The following TEKTL1 variants were observed in gnomAD, a reference collection of about 807,000 sequenced individuals.
TEKTL1 encodes tektin like 1.
the TEKTL1 span, chr19:15,011,302 G>T: frequency 2.0e-5 from 31 of 1,524,970 alleles, no homozygotes; most frequent in Non-Finnish European, 2.6e-6. Flanking sequence ...GCCAGCGCGA[G>T]GTCACCGACC....
the TEKTL1 span, among the ~76,000 whole-genome samples, chr19:15,019,059 C>A: frequency 6.6e-6 from 1 of 152,010 alleles, no homozygotes; most frequent in Non-Finnish European, 1.5e-5. Flanking sequence ...GGTGACCCCC[C>A]CACCTCAGCC....
chr19:15,013,716 G>A, the TEKTL1 span: 1 of 1,613,956 alleles, frequency 6.2e-7, no homozygotes, highest in Non-Finnish European at 8.5e-7. Flanking sequence ...AGAAAGAGGA[G>A]CTGAAAAGCA....
chr19:15,014,166 A>T, the TEKTL1 span, among the ~76,000 whole-genome samples: 4 of 152,064 alleles, frequency 2.6e-5, no homozygotes, highest in South Asian at 8.3e-4. Flanking sequence ...AGCTCTTTGC[A>T]CTCTAACACG....
chr19:15,022,294 T>C, the TEKTL1 span, among the ~76,000 whole-genome samples: 2 of 149,748 alleles, frequency 1.3e-5, no homozygotes, highest in Non-Finnish European at 3.0e-5. Flanking sequence ...CTGCATAGAA[T>C]ACCCTTAAAG....
chr19:15,021,874 G>C, the TEKTL1 span: 5 of 1,613,906 alleles, frequency 3.1e-6, no homozygotes, highest in Non-Finnish European at 4.2e-6. Flanking sequence ...GCATGTACCA[G>C]AGACACGTGG....
At chr19:15,012,239 C>T in the TEKTL1 span, among the ~76,000 whole-genome samples, 2 of 151,788 alleles carry the variant, frequency 1.3e-5, no homozygotes, top group Non-Finnish European at 2.9e-5. Context: ...CCAGCATGGG[C>T]AACACAGTGA....
chr19:15,016,913 C>T, the TEKTL1 span, among the ~76,000 whole-genome samples: 1 of 152,172 alleles, frequency 6.6e-6, no homozygotes, highest in Non-Finnish European at 1.5e-5. Context: ...TCCTTAACAA[C>T]AGGCAAAACT....
At chr19:15,014,737 G>GGGGT in the TEKTL1 span, among the ~76,000 whole-genome samples, 1 of 114,802 alleles carries the variant, frequency 8.7e-6, no homozygotes, top group Non-Finnish European at 1.8e-5. Flanking sequence ...GGGGCGGGGG[G>GGGGT]CGGGGGCTGC....
At chr19:15,020,512 CA>C in the TEKTL1 span, 1 of 1,613,786 alleles carries the variant, frequency 6.2e-7, no homozygotes, top group East Asian at 2.2e-5. Flanking sequence ...GGAGCGGCTC[CA>C]AGCCGTGGAC....
the TEKTL1 span, among the ~76,000 whole-genome samples, chr19:15,018,226 T>C: frequency 1.3e-5 from 2 of 152,120 alleles, no homozygotes; most frequent in Non-Finnish European, 2.9e-5. Context: ...TGATGGCACA[T>C]GCCTGTAATC....
At chr19:15,013,547 T>C in the TEKTL1 span, 1 of 661,350 alleles carries the variant, frequency 1.5e-6, no homozygotes, top group Non-Finnish European at 2.6e-6. Flanking sequence ...AGGATGAGAG[T>C]ACCCTCAACT....
At chr19:15,016,628 A>G in the TEKTL1 span, among the ~76,000 whole-genome samples, 439 of 152,358 alleles carry the variant, frequency 2.9e-3, no homozygotes, top group African/African-American at 8.8e-3. Context: ...TCCCAAAGAT[A>G]CCATATTCAG....
At chr19:15,018,715 A>ATATATATATATATATAT in the TEKTL1 span, among the ~76,000 whole-genome samples, 23 of 68,290 alleles carry the variant, frequency 3.4e-4, no homozygotes, top group South Asian at 1.2e-3. Context: ...CCTATCTCAA[A>ATATATATATATATATAT]ATATGTATAT....
At chr19:15,020,362 C>T in the TEKTL1 span, 1 of 988,418 alleles carries the variant, frequency 1.0e-6, no homozygotes, top group Middle Eastern at 3.3e-4. Context: ...AAATGCTTTA[C>T]AGCCTATAAG....
At chr19:15,013,473 C>T in the TEKTL1 span, among the ~76,000 whole-genome samples, 9 of 152,202 alleles carry the variant, frequency 5.9e-5, no homozygotes, top group Admixed American at 5.9e-4. Context: ...AGAGCAAGAC[C>T]CGCCAAGTCA....
At chr19:15,017,206 A>G in the TEKTL1 span, among the ~76,000 whole-genome samples, 1 of 152,156 alleles carries the variant, frequency 6.6e-6, no homozygotes, top group Non-Finnish European at 1.5e-5. Flanking sequence ...TGGGAGACAG[A>G]GCAAGATTCT....
At chr19:15,020,585 T>G in the TEKTL1 span, 1 of 1,613,802 alleles carries the variant, frequency 6.2e-7, no homozygotes, top group Non-Finnish European at 8.5e-7. Flanking sequence ...TGGGTGAACC[T>G]CTCCCGAGCC....
the TEKTL1 span, among the ~76,000 whole-genome samples, chr19:15,012,393 C>A: frequency 1.3e-5 from 2 of 152,028 alleles, no homozygotes; most frequent in Non-Finnish European, 2.9e-5. Flanking sequence ...GCAAGACCCT[C>A]TCTGCACCAA....
chr19:15,021,848 G>T, the TEKTL1 span: 2 of 1,614,038 alleles, frequency 1.2e-6, no homozygotes, highest in Non-Finnish European at 1.7e-6. Context: ...AGAAAAGCTG[G>T]ACAGACCCCT....
Sources: allele counts gnomAD v4.1 joint callset (sites outside exome capture counted in the v4.1 genomes callset), GRCh38; gene constraint gnomAD v4.1.1; transcripts MANE v1.5; gene names NCBI Gene and HGNC (gene_info 2026-07-23, HGNC 2026-07-21).